LCMT1: variants seen among roughly 807,000 people sequenced by gnomAD.
LCMT1 encodes the protein [Phosphatase 2A protein]-leucine-carboxy methyltransferase 1.
Under a neutral mutation model 47.7 loss-of-function variants are expected in LCMT1, and 32 were observed. The observed-to-expected ratio is 0.67, with a 90% CI of 0.51 to 0.90. LCMT1 has a LOEUF of 0.90. LCMT1 is among the 40% of genes least tolerant of loss of function. LCMT1 has a pLI of 0.00. For synonymous variants in LCMT1, 152 were observed against 149.7 expected, an observed-to-expected ratio of 1.02 and a Z score of -0.11; for missense variants, 375 against 415.2, an observed-to-expected ratio of 0.90 and a Z score of 0.84.
chr16:25,114,156 G>A (rs7189412), intron 1 of LCMT1, among the ~76,000 whole-genome samples: 151,420 of 152,310 alleles, frequency 0.99, 75,274 homozygotes, highest in Middle Eastern at 1. Context: ...AGTGAGTTAT[G>A]GCTATAAAAT....
chr16:25,125,894 A>G (rs1394209605), intron 1 of LCMT1: 6 of 524,596 alleles, frequency 1.1e-5, no homozygotes, highest in Non-Finnish European at 1.3e-5. Flanking sequence ...CAATTTGTTC[A>G]GCAGTTGGTT....
In LCMT1 at chr16:25,175,173, G is replaced by A. The variant is rs552014337; in HGVS notation, c.982+139G>A. On this transcript the variant is annotated intron_variant, in intron 10 of 10. Transcript: ENST00000399069. ...CTTTCTTGTTTTGAGACAGGGTCTC[G>A]CTCTGTCACCCAGGCTAGAGTGCAG... 57 of 598,498 alleles carry A rather than the reference G, an allele frequency of 9.5e-5. No individual in the cohort carries two copies. The South Asian group carries it at 9.7e-4, about 10-fold the overall frequency. 37.1% of individuals were successfully genotyped at this position (598,498 alleles called of 1,614,324 possible).
intron 3 of LCMT1, among the ~76,000 whole-genome samples, 168 bp downstream of exon 3, chr16:25,132,691 T>C (rs1597571573): frequency 6.6e-6 from 1 of 152,078 alleles, no homozygotes; most frequent in East Asian, 1.9e-4. Context: ...CTGTTTTATC[T>C]CACCAGGGCC....
chr16:25,145,843 T>A (rs910489407), intron 4 of LCMT1: 3 of 152,390 alleles, frequency 2.0e-5, no homozygotes, highest in Non-Finnish European at 4.4e-5. Flanking sequence ...TTTATTAGCC[T>A]GTCCTAGGAC....
Position 25,111,860 on chromosome 16 carries a change from C to T in LCMT1, c.-24C>T. 1.3e-6 allele frequency: 2 copies of T among 1,530,444 alleles called. No homozygotes were observed. Among genetic ancestry groups the T allele is most frequent in the Non-Finnish European group, 9.0e-7 (1 of 1,107,814 alleles). 94.8% of individuals were successfully genotyped at this position (1,530,444 alleles called of 1,614,324 possible). A position where few individuals can be genotyped will look rare whatever the true frequency, so the allele number is the denominator to read the frequency against. ...CCCGCTTCCATGTCCCTGGCGGACA[C>T]AGCTCCCAGGAACCTCCACGCCCAT... On this transcript the variant is annotated 5_prime_UTR_variant, in exon 1 of 11. Transcript: ENST00000399069.
At chr16:25,135,284 AATATATATCTAT>A (rs1960470323) in intron 3 of LCMT1, among the ~76,000 whole-genome samples, 1 of 140,610 alleles carries the variant, frequency 7.1e-6, no homozygotes, top group East Asian at 2.1e-4. Flanking sequence ...TTTCTTTTAA[AATATATATCTAT>A]ATATATATAT....
chr16:25,149,774 C>T (rs1372577805), intron 4 of LCMT1, among the ~76,000 whole-genome samples: 1 of 151,868 alleles, frequency 6.6e-6, no homozygotes, highest in East Asian at 1.9e-4. Flanking sequence ...ATTAGCTAGG[C>T]ATGTTGGGTG....
At chr16:25,138,357 A>G (rs9933296) in intron 3 of LCMT1, among the ~76,000 whole-genome samples, 46,746 of 151,622 alleles carry the variant, frequency 0.31, 7,418 homozygotes, top group East Asian at 0.47. Context: ...AGGAGGAGTG[A>G]AGGGATTCCA....
At chr16:25,155,195 GT>G (rs200320985) in intron 5 of LCMT1, among the ~76,000 whole-genome samples, 6 of 149,804 alleles carry the variant, frequency 4.0e-5, no homozygotes, top group East Asian at 3.9e-4. Context: ...AATTGATGAT[GT>G]TTTTTTTTAA....
intron 3 of LCMT1, among the ~76,000 whole-genome samples, chr16:25,133,035 T>A (rs1960399607): frequency 6.6e-6 from 1 of 152,084 alleles, no homozygotes; most frequent in Non-Finnish European, 1.5e-5. Flanking sequence ...TTTTTTAAGT[T>A]TTTGTGTAGA....
intron 4 of LCMT1, among the ~76,000 whole-genome samples, chr16:25,149,872 C>T (rs1395975740): frequency 1.4e-5 from 2 of 141,334 alleles, no homozygotes; most frequent in Admixed American, 7.5e-5. Flanking sequence ...ATGATCACAC[C>T]ACTGCAGTCC....
intron 1 of LCMT1, among the ~76,000 whole-genome samples, chr16:25,119,735 T>C (rs1959909625): frequency 6.6e-6 from 1 of 152,130 alleles, no homozygotes; most frequent in South Asian, 2.1e-4. Flanking sequence ...GACATCTTCT[T>C]AGCTATGCCC....
Position 25,140,185 on chromosome 16 carries a change from C to G in LCMT1, c.342C>G (p.Leu114=). ...TFWRLKDEDL[L]PSKYFEVDFP... is the part of the protein sequence containing the mutation. ...TTTTTCCCCAGGATGAAGATCTTCT[C>G]CCAAGTAAATATTTTGAGGTTGACT... is the stretch of plus-strand genomic sequence containing the variant. Residue 114 remains leucine, a synonymous_variant, in exon 4 of 11, where the codon CTC becomes CTG. Transcript: ENST00000399069. 6 of 1,608,152 alleles carry G rather than the reference C, an allele frequency of 3.7e-6. No individual in the cohort carries two copies. The highest frequency in any genetic ancestry group is 5.1e-6 in the Non-Finnish European group (6 of 1,176,730).
intron 3 of LCMT1, among the ~76,000 whole-genome samples, chr16:25,134,166 A>T (rs1180510378): frequency 6.6e-6 from 1 of 151,022 alleles, no homozygotes; most frequent in African/African-American, 2.4e-5. Flanking sequence ...TTTTTTGCGG[A>T]TGTTGACCAA....
At chr16:25,133,982 A>C (rs1378446796) in intron 3 of LCMT1, among the ~76,000 whole-genome samples, 4 of 149,912 alleles carry the variant, frequency 2.7e-5, no homozygotes, top group Non-Finnish European at 1.5e-5. Context: ...CAGTGAGTCG[A>C]GATCATGCCA....
At chr16:25,151,352 T>A (rs1429667085) in intron 4 of LCMT1, among the ~76,000 whole-genome samples, 1 of 152,230 alleles carries the variant, frequency 6.6e-6, no homozygotes, top group Non-Finnish European at 1.5e-5. Context: ...GAGACCTGTG[T>A]CCACTGAAGT....
At chr16:25,131,996 C>T (rs1960360909) in intron 2 of LCMT1, 1 of 249,712 alleles carries the variant, frequency 4.0e-6, no homozygotes, top group Admixed American at 5.0e-5. Flanking sequence ...TTCATCTGCT[C>T]AGTTTCCTGA....
intron 7 of LCMT1, among the ~76,000 whole-genome samples, chr16:25,167,605 C>T (rs1251428561): frequency 6.6e-6 from 1 of 152,138 alleles, no homozygotes; most frequent in Non-Finnish European, 1.5e-5. Context: ...AGCCACCATG[C>T]TCAGCTTGTT....
At chr16:25,153,105 G>A (rs937192918) in intron 5 of LCMT1, among the ~76,000 whole-genome samples, 4 of 152,076 alleles carry the variant, frequency 2.6e-5, no homozygotes, top group South Asian at 2.1e-4. Flanking sequence ...TCTCTGAGGC[G>A]GGGGTGGCAA....
Sources: gnomAD v4.1 joint callset for allele counts (sites outside exome capture counted in the v4.1 genomes callset) on GRCh38, gnomAD v4.1.1 for gene constraint, MANE v1.5 for transcripts, NCBI Gene and HGNC (gene_info 2026-07-23, HGNC 2026-07-21) for gene names.